Variants in RNF212 observed in about 807,000 individuals in gnomAD.
RNF212 encodes the protein ring finger protein 212.
RNF212 carries 33 observed loss-of-function variants against 34.7 expected under a neutral mutation model. The ratio of observed to expected loss-of-function variants is 0.95; its 90% CI spans 0.72 to 1.27. The LOEUF (loss-of-function observed/expected upper bound fraction) is 1.27. Among genes scored for constraint, RNF212 ranks in the 50% most tolerant of loss-of-function variants. RNF212 has a pLI of 0.00. For synonymous variants in RNF212, 140 were observed against 136.1 expected, an observed-to-expected ratio of 1.03 and a Z score of -0.20; for missense variants, 377 against 362.2, an observed-to-expected ratio of 1.04 and a Z score of -0.33.
chr4:1,060,097 C>CA (rs1162381231), intron 3 of RNF212, among the ~76,000 whole-genome samples: 3,323 of 36,648 alleles, frequency 0.091, 90 homozygotes, highest in Non-Finnish European at 0.11. Context: ...GAAACTCCAT[C>CA]AAAAAAAAAA....
chr4:1,077,063 A>G (rs1160391274), intron 8 of RNF212, among the ~76,000 whole-genome samples: 1 of 152,156 alleles, frequency 6.6e-6, no homozygotes, highest in East Asian at 1.9e-4. Flanking sequence ...CCAGGTCTCT[A>G]CTAAAAATAC....
At chr4:1,099,036 T>A (rs1723505437) in intron 2 of RNF212, among the ~76,000 whole-genome samples, 1 of 152,052 alleles carries the variant, frequency 6.6e-6, no homozygotes, top group Non-Finnish European at 1.5e-5. Context: ...AAGATGAGCC[T>A]AGAGCCAGAA....
At chr4:1,058,396 GT>G in intron 3 of RNF212, 1 of 980,900 alleles carries the variant, frequency 1.0e-6, no homozygotes, top group Non-Finnish European at 1.2e-6. Context: ...GACGCTGCCT[GT>G]GGTGGAACAA....
At chr4:1,084,452 G>C (rs750032678) in intron 5 of RNF212, among the ~76,000 whole-genome samples, 1 of 152,060 alleles carries the variant, frequency 6.6e-6, no homozygotes, top group African/African-American at 2.4e-5. Context: ...CATTGTGGCC[G>C]GGTGCAGTGG....
At chr4:1,108,684 CT>C (rs545330602) in intron 1 of RNF212, among the ~76,000 whole-genome samples, 314 of 152,226 alleles carry the variant, frequency 2.1e-3, no homozygotes, top group Admixed American at 5.1e-3. Flanking sequence ...TACAATTAGG[CT>C]TTTTTAAAAT....
chr4:1,089,049 C>T (rs1721777003), intron 4 of RNF212, among the ~76,000 whole-genome samples: 1 of 152,242 alleles, frequency 6.6e-6, no homozygotes, highest in African/African-American at 2.4e-5. Context: ...AGTGTCCCAA[C>T]TGGGGTGCTG....
In RNF212 at chr4:1,102,352, G is replaced by T. The variant is rs146698366; in HGVS notation, c.172-5513C>A. Among the ~76,000 whole-genome samples, 1,162 of 152,290 alleles carry T rather than the reference G, an allele frequency of 7.6e-3. 11 individuals are homozygous for T. Among genetic ancestry groups the T allele is most frequent in the Middle Eastern group, 0.044 (13 of 294 alleles). Reference sequence around the variant, plus strand: ...CTAAAGTTCCACAGTTGGCCTTGTAGAACCTGCATACAGGAAACGTCAGCC... The same window carrying T: ...CTAAAGTTCCACAGTTGGCCTTGTATAACCTGCATACAGGAAACGTCAGCC... On this transcript the variant is annotated intron_variant, in intron 2 of 9. Coordinates refer to ENST00000433731, the MANE Select transcript of RNF212 (RefSeq NM_001131034.4).
At chr4:1,089,042 G>A (rs1199836305) in intron 4 of RNF212, among the ~76,000 whole-genome samples, 5 of 152,226 alleles carry the variant, frequency 3.3e-5, no homozygotes, top group African/African-American at 4.8e-5. Context: ...CCCACACAGT[G>A]TCCCAACTGG....
chr4:1,076,018 G>A lies in RNF212; in HGVS notation c.511-2356C>T, dbSNP rs573671438. Reference sequence around the variant, plus strand: ...TATTCATTTTGTATTTGTGAGTCATGATTTTACCTTTTCAAAAAGATATGT... The same window carrying A: ...TATTCATTTTGTATTTGTGAGTCATAATTTTACCTTTTCAAAAAGATATGT... On this transcript the variant is annotated intron_variant, in intron 8 of 9. Transcript: ENST00000433731. 1.2e-4 allele frequency among the ~76,000 whole-genome samples: 19 copies of A among 152,342 alleles called. No individual in the cohort carries two copies. The South Asian group carries it at 3.5e-3, about 28-fold the overall frequency.
intron 2 of RNF212, among the ~76,000 whole-genome samples, chr4:1,101,968 C>T (rs765243461): frequency 1.8e-4 from 27 of 152,280 alleles, no homozygotes; most frequent in Middle Eastern, 3.4e-3. Flanking sequence ...AATGAATATA[C>T]TTCTAGGTAA....
rs778738659 is a variant in RNF212, at chr4:1,073,125, C to G, written c.643G>C (p.Glu215Gln). The stretch of plus-strand genomic sequence containing the variant: ...GGTGAACCTCTGGAAATGACACACT[C>G]TCCGGGCACAGGGGGCTTAGACAAG... Reference protein sequence around the residue: ...LTLSKPPVPGECVISRGSPCF... With the variant: ...LTLSKPPVPGQCVISRGSPCF... Residue 215 changes from glutamate (E) to glutamine (Q), a missense_variant, in exon 10 of 10, where the codon GAG (glutamate) becomes CAG (glutamine). Coordinates refer to ENST00000433731, the MANE Select transcript of RNF212 (RefSeq NM_001131034.4). 1.2e-6 allele frequency: 2 copies of G among 1,614,194 alleles called. No homozygotes were observed. Among genetic ancestry groups the G allele is most frequent in the Non-Finnish European group, 1.7e-6 (2 of 1,180,040 alleles).
Position 1,073,051 on chromosome 4 carries a change from G to A in RNF212, c.717C>T (p.Phe239=). The A allele has an allele frequency of 6.2e-7, 1 of 1,614,084 alleles. No individual in the cohort carries two copies. Residue 239 remains phenylalanine, a synonymous_variant, in exon 10 of 10, where the codon TTC becomes TTT. Coordinates refer to ENST00000433731, the MANE Select transcript of RNF212 (RefSeq NM_001131034.4). ...VCPHWLLLLA[F]SSGRHGELTN... ...TGAGTTCCCCGTGCCTTCCAGAACT[G>A]AACGCTAGGAGGAGCAGCCAGTGAG...
intron 1 of RNF212, among the ~76,000 whole-genome samples, chr4:1,108,973 T>C (rs1015638812): frequency 1.3e-5 from 2 of 151,906 alleles, no homozygotes; most frequent in African/African-American, 4.8e-5. Context: ...AGTGCTGGGA[T>C]TGTAGGCGTG....
At chr4:1,109,233 C>G in intron 1 of RNF212, among the ~76,000 whole-genome samples, 1 of 152,178 alleles carries the variant, frequency 6.6e-6, no homozygotes, top group Non-Finnish European at 1.5e-5. Flanking sequence ...GTCTTGAACT[C>G]CTGACCTCAG....
intron 3 of RNF212, 28 bp from the exon 4 acceptor site, chr4:1,090,866 G>A (rs374045222): frequency 4.8e-6 from 7 of 1,468,308 alleles, no homozygotes. Flanking sequence ...TTCAGCTGCT[G>A]ACACAGATCC....
At chr4:1,068,463 T>C (rs1718233384), downstream of RNF212, among the ~76,000 whole-genome samples, 1 of 152,222 alleles carries the variant, frequency 6.6e-6, no homozygotes, top group Admixed American at 6.5e-5. Context: ...ACGAGTCTCA[T>C]CTTCTGCTCT....
At chr4:1,107,708 C>T (rs1725044994) in intron 2 of RNF212, among the ~76,000 whole-genome samples, 1 of 152,138 alleles carries the variant, frequency 6.6e-6, no homozygotes, top group Non-Finnish European at 1.5e-5. Context: ...TCTTGGCCTC[C>T]CAAAGTGCTG....
At position 1,072,778 on chromosome 4, in the gene RNF212, A is replaced by G; in HGVS notation, c.*96T>C. On this transcript the variant is annotated 3_prime_UTR_variant, in exon 10 of 10. Transcript: ENST00000433731. Reference sequence around the variant, plus strand: ...TATCCTGCACACTGAGGGCTTCCACATAAATGACAAAGGAATAAAGCAGAT... The same window carrying G: ...TATCCTGCACACTGAGGGCTTCCACGTAAATGACAAAGGAATAAAGCAGAT... The G allele has an allele frequency of 6.8e-7, 1 of 1,464,072 alleles. No homozygotes were observed. Among genetic ancestry groups the G allele is most frequent in the Non-Finnish European group, 9.0e-7 (1 of 1,107,528 alleles). 90.7% of individuals were successfully genotyped at this position (1,464,072 alleles called of 1,614,324 possible). A position where few individuals can be genotyped will look rare whatever the true frequency, so the allele number is the denominator to read the frequency against.
rs537454725 is a variant in RNF212 at position 1,064,306 on chromosome 4, C to T, written n.148-5913G>A. On this transcript the variant is annotated intron_variant and non_coding_transcript_variant, in intron 3 of 4. Transcript: ENST00000503206. ...TCCACTGGAATTCAGTCGGTGTTCACCTCAGTGAGTGTTCACTGTGGTGAG... is the reference window on the plus strand; with the variant it reads ...TCCACTGGAATTCAGTCGGTGTTCATCTCAGTGAGTGTTCACTGTGGTGAG... Among the ~76,000 whole-genome samples, 265 of 152,318 alleles carry T rather than the reference C, an allele frequency of 1.7e-3. 1 individual carries two copies. Among genetic ancestry groups the T allele is most frequent in the African/African-American group, 6.0e-3 (251 of 41,560 alleles).
Sources: allele counts gnomAD v4.1 joint callset (sites outside exome capture counted in the v4.1 genomes callset), GRCh38; gene constraint gnomAD v4.1.1; transcripts MANE v1.5; gene names NCBI Gene and HGNC (gene_info 2026-07-23, HGNC 2026-07-21).